TXLNB: variants seen among roughly 807,000 people sequenced by gnomAD.
TXLNB encodes the protein beta-taxilin.
A neutral mutation model predicts 57.4 loss-of-function variants in TXLNB; 37 were observed. The ratio of observed to expected loss-of-function variants is 0.64; its 90% CI spans 0.50 to 0.85. The LOEUF is 0.85. Among genes scored for constraint, TXLNB ranks in the 40% least tolerant of loss-of-function variants. TXLNB has a pLI of 0.00. For synonymous variants in TXLNB, 302 were observed against 309.6 expected, an observed-to-expected ratio of 0.98 and a Z score of 0.26; for missense variants, 848 against 825.6, an observed-to-expected ratio of 1.03 and a Z score of -0.33.
At chr6:139,226,530 C>T in the TXLNB span, among the ~76,000 whole-genome samples, 1 of 151,980 alleles carries the variant, frequency 6.6e-6, no homozygotes, top group Non-Finnish European at 1.5e-5. Context: ...CATAGCAGAA[C>T]TGATTTGTAA....
chr6:139,297,476 A>C, the TXLNB span, among the ~76,000 whole-genome samples: 1 of 152,318 alleles, frequency 6.6e-6, no homozygotes, highest in Non-Finnish European at 1.5e-5. Context: ...GATCTTTTTC[A>C]AGTATAGAAG....
rs145844120 is a variant in TXLNB at position 139,288,735 on chromosome 6, G to C, written c.165C>G (p.Ile55Met). ...CCAGCTGTCGATTCAGCTCTTCAGA[G>C]ATATCGGGGTGCACACTTGCCTCTT... ...PEKEASVHPD[I>M]SEELNRQLED... The change falls in exon 2 of 10, where the codon ATC becomes ATG. Residue 55 changes from isoleucine to methionine, a missense_variant. Ile to Met is a conservative substitution (Grantham distance 10). Transcript: ENST00000358430. 15 of 1,614,090 alleles carry C rather than the reference G, an allele frequency of 9.3e-6. No individual in the cohort carries two copies. In the African/African-American group the frequency reaches 1.6e-4, roughly 17 times the overall value.
the TXLNB span, among the ~76,000 whole-genome samples, chr6:139,173,365 C>T: frequency 1.3e-5 from 2 of 152,180 alleles, no homozygotes; most frequent in South Asian, 4.1e-4. Context: ...GGTTCTTGCC[C>T]TCAAGGAGGA....
At chr6:139,248,670 C>T (rs1776124874) in intron 7 of TXLNB, among the ~76,000 whole-genome samples, 1 of 152,168 alleles carries the variant, frequency 6.6e-6, no homozygotes, top group South Asian at 2.1e-4. Flanking sequence ...TCAAAGACAA[C>T]TTGACTATGG....
chr6:139,212,575 G>A, the TXLNB span, among the ~76,000 whole-genome samples: 2 of 152,122 alleles, frequency 1.3e-5, no homozygotes, highest in African/African-American at 2.4e-5. Context: ...ATCAACTAAC[G>A]AGCAAAATAA....
upstream of TXLNB, among the ~76,000 whole-genome samples, chr6:139,292,967 C>T (rs977189908): frequency 1.3e-5 from 2 of 152,190 alleles, no homozygotes; most frequent in African/African-American, 4.8e-5. The surrounding 1 kb of genome is among the most constrained non-coding windows in gnomAD (Gnocchi z 4.0). Context: ...AAGATCTCCA[C>T]GTCCTACTCC....
At chr6:139,181,508 A>G in the TXLNB span, among the ~76,000 whole-genome samples, 1 of 152,216 alleles carries the variant, frequency 6.6e-6, no homozygotes, top group East Asian at 1.9e-4. Flanking sequence ...GAGTCCCGGT[A>G]TTGCGGTGCT....
chr6:139,297,078 A>G, the TXLNB span, among the ~76,000 whole-genome samples: 3 of 151,976 alleles, frequency 2.0e-5, no homozygotes, highest in East Asian at 5.8e-4. Context: ...ACTTACATCC[A>G]ACTCATCCCT....
intron 8 of TXLNB, 33 bp downstream of exon 8, chr6:139,247,784 G>C (rs763779803): frequency 6.9e-7 from 1 of 1,447,942 alleles, no homozygotes; most frequent in African/African-American, 1.4e-5. Flanking sequence ...AATAGAAAAT[G>C]TCAATATTTT....
the TXLNB span, among the ~76,000 whole-genome samples, chr6:139,185,226 C>A: frequency 6.6e-6 from 1 of 151,976 alleles, no homozygotes; most frequent in African/African-American, 2.4e-5. Context: ...AGTTACCCAC[C>A]ACAAGGCTGC....
the TXLNB span, among the ~76,000 whole-genome samples, chr6:139,205,726 A>C: frequency 2.3e-4 from 35 of 152,340 alleles, no homozygotes; most frequent in South Asian, 7.0e-3. Context: ...TTCCAGAGGA[A>C]GAAGAGAAAC....
chr6:139,195,129 A>G, the TXLNB span, among the ~76,000 whole-genome samples: 4,284 of 152,022 alleles, frequency 0.028, 78 homozygotes, highest in East Asian at 0.055. Flanking sequence ...GAGGCCATCT[A>G]TGTTTCTTAG....
intron 6 of TXLNB, among the ~76,000 whole-genome samples, chr6:139,258,793 G>A (rs866577791): frequency 6.6e-6 from 1 of 152,120 alleles, no homozygotes. Context: ...GTGATGCACC[G>A]TCACAGAGAG....
the TXLNB span, among the ~76,000 whole-genome samples, chr6:139,211,004 C>A: frequency 1.3e-5 from 2 of 152,226 alleles, no homozygotes; most frequent in Non-Finnish European, 2.9e-5. Flanking sequence ...GGGTGGAGCC[C>A]ACCACAGCTC....
the TXLNB span, among the ~76,000 whole-genome samples, chr6:139,224,644 C>T: frequency 6.6e-6 from 1 of 151,506 alleles, no homozygotes; most frequent in Non-Finnish European, 1.5e-5. Flanking sequence ...AATTTAGATG[C>T]AATAGATTAA....
chr6:139,305,495 T>C, the TXLNB span, among the ~76,000 whole-genome samples: 1 of 152,184 alleles, frequency 6.6e-6, no homozygotes, highest in Non-Finnish European at 1.5e-5. Flanking sequence ...ATAACATCTG[T>C]GGATTGACCA....
At chr6:139,313,158 T>C in the TXLNB span, among the ~76,000 whole-genome samples, 81 of 151,928 alleles carry the variant, frequency 5.3e-4, no homozygotes, top group African/African-American at 1.8e-3. Flanking sequence ...CTGCAAGCTC[T>C]GCCTCCCGGG....
intron 2 of TXLNB, chr6:139,277,202 G>A (rs867525687): frequency 2.7e-5 from 8 of 298,028 alleles, no homozygotes; most frequent in South Asian, 9.2e-5. Flanking sequence ...ACAAGAATCC[G>A]TTCTTATTTC....
the TXLNB span, among the ~76,000 whole-genome samples, chr6:139,216,719 C>A: frequency 1.3e-5 from 2 of 152,038 alleles, no homozygotes; most frequent in African/African-American, 4.8e-5. Context: ...TTTGCAGCAA[C>A]TTGGATGGAG....
Sources: allele counts gnomAD v4.1 joint callset (sites outside exome capture counted in the v4.1 genomes callset), GRCh38; gene constraint gnomAD v4.1.1; non-coding constraint Gnocchi (gnomAD v3.1); transcripts MANE v1.5; gene names NCBI Gene and HGNC (gene_info 2026-07-23, HGNC 2026-07-21).